Variants in KLF8 observed in about 807,000 individuals in gnomAD.
The protein encoded by KLF8 is KLF transcription factor 8, also known as Krueppel-like factor 8.
A neutral mutation model predicts 18.2 loss-of-function variants in KLF8; 10 were observed. That is an observed-to-expected ratio of 0.55 (90% CI 0.34 to 0.93). KLF8 has a LOEUF of 0.93. KLF8 is among the 40% of genes least tolerant of loss of function. The pLI is 0.02. For synonymous variants in KLF8, 109 were observed against 97.3 expected (o/e 1.12, Z -0.71); for missense variants, 264 against 277.9 (o/e 0.95, Z 0.36).
Position 56,285,856 on chromosome X carries a change from G to T in KLF8, c.*1362G>T, listed in dbSNP as rs1352069310. On this transcript the variant is annotated 3_prime_UTR_variant, in exon 6 of 6. Transcript: ENST00000468660. ...TTTCCTTTCTGGGGTCAGGGGTAGG[G>T]GAGGGGGCTTTGCATCACTTGAATT... is the stretch of plus-strand genomic sequence containing the variant. 9.0e-6 allele frequency: 1 copy of T among 111,279 alleles called. No individual in the cohort carries two copies. Among genetic ancestry groups the T allele is most frequent in the Non-Finnish European group, 1.9e-5 (1 of 53,063 alleles). The allele number at this position is 111,279 out of a possible 1,213,427, so 9.2% of individuals were successfully genotyped here.
At chrX:56,234,199 C>G (rs950823054) in intron 1 of KLF8, among the ~76,000 whole-genome samples, 2 of 111,883 alleles carry the variant, frequency 1.8e-5, no homozygotes, top group Non-Finnish European at 3.8e-5. Flanking sequence ...GCACCTGTCA[C>G]CCAGTGTGGT....
chrX:56,210,571 T>C, the KLF8 span, among the ~76,000 whole-genome samples: 1 of 111,388 alleles, frequency 9.0e-6, no homozygotes, highest in Admixed American at 9.6e-5. Flanking sequence ...ACTTGGATAT[T>C]GAGATCTTTC....
chrX:56,061,986 C>CTTTTTTTTTTTTTTTTTTCT, the KLF8 span, among the ~76,000 whole-genome samples: 1 of 57,151 alleles, frequency 1.7e-5, no homozygotes, highest in Non-Finnish European at 2.8e-5. Context: ...GCAACCCCTG[C>CTTTTTTTTTTTTTTTTTTCT]TTTTTTTTTT....
the KLF8 span, among the ~76,000 whole-genome samples, chrX:56,162,683 T>A: frequency 4.5e-5 from 5 of 111,739 alleles, no homozygotes; most frequent in East Asian, 1.1e-3. Flanking sequence ...TGTCTTTGAC[T>A]AGGAAAGGGA....
At chrX:56,213,613 A>G in the KLF8 span, among the ~76,000 whole-genome samples, 1 of 110,298 alleles carries the variant, frequency 9.1e-6, no homozygotes, top group Admixed American at 9.7e-5. Flanking sequence ...ATGAGCCACC[A>G]CAACTGGCCT....
chrX:56,172,992 G>C, the KLF8 span, among the ~76,000 whole-genome samples: 1 of 111,851 alleles, frequency 8.9e-6, no homozygotes, highest in African/African-American at 3.3e-5. Context: ...GTAGATTCTG[G>C]ATATTAACCC....
At chrX:56,248,625 T>G (rs1211548703) in intron 1 of KLF8, among the ~76,000 whole-genome samples, 1 of 111,441 alleles carries the variant, frequency 9.0e-6, no homozygotes, top group Non-Finnish European at 1.9e-5. Context: ...GAGAATCGAA[T>G]CTTCTCCACT....
the KLF8 span, among the ~76,000 whole-genome samples, chrX:55,945,085 T>A: frequency 9.0e-6 from 1 of 111,620 alleles, no homozygotes; most frequent in Non-Finnish European, 1.9e-5. Context: ...CATTTCGTTA[T>A]GTACCCAGTA....
the KLF8 span, among the ~76,000 whole-genome samples, chrX:56,152,502 C>G: frequency 3.6e-5 from 4 of 111,054 alleles, no homozygotes; most frequent in Admixed American, 9.7e-5. Context: ...CTTTACTGCG[C>G]AAAGACTTAG....
chrX:55,941,350 A>G, the KLF8 span, among the ~76,000 whole-genome samples: 1 of 112,224 alleles, frequency 8.9e-6, no homozygotes, highest in East Asian at 2.8e-4. Flanking sequence ...CCTTCCTTAC[A>G]CCTTATACAA....
At chrX:56,017,223 G>C in the KLF8 span, among the ~76,000 whole-genome samples, 3 of 112,069 alleles carry the variant, frequency 2.7e-5, no homozygotes, top group Non-Finnish European at 5.6e-5. Context: ...GCTAGTATTA[G>C]GGACCTGGCA....
the KLF8 span, among the ~76,000 whole-genome samples, chrX:56,166,282 T>A: frequency 9.0e-6 from 1 of 111,624 alleles, no homozygotes; most frequent in Non-Finnish European, 1.9e-5. Context: ...TATTCTTAAG[T>A]GAAACTGATG....
At chrX:56,184,665 T>A in the KLF8 span, among the ~76,000 whole-genome samples, 1 of 111,561 alleles carries the variant, frequency 9.0e-6, no homozygotes, top group African/African-American at 3.3e-5. Flanking sequence ...CGGGTACTCC[T>A]CTGAGACAAA....
chrX:55,910,383 TAAGATAGGAGA>T, the KLF8 span, among the ~76,000 whole-genome samples: 87 of 110,701 alleles, frequency 7.9e-4, no homozygotes, highest in Non-Finnish European at 8.9e-4. Context: ...TGAGTGGGGA[TAAGATAGGAGA>T]AAAGCTACAG....
chrX:56,091,986 T>G, the KLF8 span, among the ~76,000 whole-genome samples: 15 of 109,591 alleles, frequency 1.4e-4, 1 homozygote, highest in Non-Finnish European at 2.5e-4. Context: ...ATTGTTTTTT[T>G]TTTTTTTTTT....
chrX:55,999,284 G>GGTTTTTTTTTTTTTTTTT, the KLF8 span, among the ~76,000 whole-genome samples: 1 of 17,507 alleles, frequency 5.7e-5, no homozygotes, highest in Non-Finnish European at 1.3e-4. Flanking sequence ...GATGCCTCCA[G>GGTTTTTTTTTTTTTTTTT]ATTTTTTTTT....
At chrX:56,028,253 G>A in the KLF8 span, among the ~76,000 whole-genome samples, 1 of 111,250 alleles carries the variant, frequency 9.0e-6, no homozygotes, top group Non-Finnish European at 1.9e-5. Flanking sequence ...CCCATTCAAA[G>A]GGCTCTCAGT....
the KLF8 span, among the ~76,000 whole-genome samples, chrX:56,006,123 C>T: frequency 7.1e-5 from 8 of 112,185 alleles, no homozygotes; most frequent in Admixed American, 4.7e-4. Flanking sequence ...TTGGGACTTA[C>T]ACATCCCTGG....
chrX:56,214,280 G>A, the KLF8 span, among the ~76,000 whole-genome samples: 3 of 111,984 alleles, frequency 2.7e-5, no homozygotes, highest in East Asian at 5.6e-4. Context: ...TGAGGGTGGG[G>A]CCCTTGCCAG....
Sources: allele counts gnomAD v4.1 joint callset (sites outside exome capture counted in the v4.1 genomes callset), GRCh38; gene constraint gnomAD v4.1.1; transcripts MANE v1.5; gene names NCBI Gene and HGNC (gene_info 2026-07-23, HGNC 2026-07-21).